The following SLFN12L variants were observed in gnomAD, a reference collection of about 807,000 sequenced individuals.
The protein encoded by SLFN12L is schlafen family member 12 like.
In SLFN12L, 34 loss-of-function variants were observed where a neutral mutation model predicts 34.8. That is an observed-to-expected ratio of 0.98 (90% CI 0.74 to 1.30). SLFN12L has a LOEUF of 1.30. Among genes scored for constraint, SLFN12L ranks in the 50% most tolerant of loss-of-function variants. The pLI, the probability that SLFN12L is intolerant of heterozygous loss-of-function variation, is 0.00. For missense variants in SLFN12L, 703 were observed against 696.2 expected (o/e 1.01, Z -0.11); for synonymous variants, 259 against 247.5 (o/e 1.05, Z -0.44).
At chr17:35,511,805 A>C (rs1295752058) in intron 2 of SLFN12L, among the ~76,000 whole-genome samples, 1 of 152,214 alleles carries the variant, frequency 6.6e-6, no homozygotes, top group African/African-American at 2.4e-5. Context: ...TTCCAGGGCC[A>C]GCTAAGTCTA....
At chr17:35,485,687 A>G (rs1379236299) in intron 2 of SLFN12L, among the ~76,000 whole-genome samples, 4 of 152,178 alleles carry the variant, frequency 2.6e-5, no homozygotes, top group Non-Finnish European at 5.9e-5. Flanking sequence ...TAATTTTTGT[A>G]TATGGTGAGA....
intron 2 of SLFN12L, among the ~76,000 whole-genome samples, chr17:35,492,217 T>G (rs1296243897): frequency 6.6e-6 from 1 of 152,210 alleles, no homozygotes; most frequent in Non-Finnish European, 1.5e-5. Flanking sequence ...TATCAGCTTC[T>G]GCAAGGAGCT....
Position 35,467,550 on chromosome 17 carries a change from T to C in SLFN12L, c.*7373A>G, listed in dbSNP as rs979916267. 6.6e-6 allele frequency among the ~76,000 whole-genome samples: 1 copy of C among 152,198 alleles called. No individual in the cohort carries two copies. The highest frequency in any genetic ancestry group is 6.5e-5 in the Admixed American group (1 of 15,284). ...TTTCATGACCCTAATAGGTCCCAAA[T>C]AGCCAGTTTAACAGAGAGACATAAG... On this transcript the variant is annotated 3_prime_UTR_variant, in exon 5 of 5. Transcript: ENST00000628453.
At chr17:35,480,923 A>T (rs1914308455) in intron 2 of SLFN12L, among the ~76,000 whole-genome samples, 2 of 152,096 alleles carry the variant, frequency 1.3e-5, no homozygotes, top group South Asian at 4.1e-4. Context: ...TACTAAAAAT[A>T]GATTATAGAT....
At chr17:35,530,441 G>GGA (rs1555545953) in intron 1 of SLFN12L, among the ~76,000 whole-genome samples, 1 of 16,838 alleles carries the variant, frequency 5.9e-5, no homozygotes, top group Non-Finnish European at 2.2e-4. Flanking sequence ...GAAGGGAAGG[G>GGA]AAGAAAGAAA....
intron 2 of SLFN12L, among the ~76,000 whole-genome samples, chr17:35,521,390 T>TTCTGTACTA (rs1915992761): frequency 6.6e-6 from 1 of 152,230 alleles, no homozygotes. Flanking sequence ...CACAGGAACT[T>TTCTGTACTA]TCTGTACTAT....
At chr17:35,489,384 T>G (rs1298019330) in intron 2 of SLFN12L, among the ~76,000 whole-genome samples, 3 of 151,692 alleles carry the variant, frequency 2.0e-5, no homozygotes, top group Admixed American at 6.6e-5. Flanking sequence ...AGACGTCATC[T>G]CTACAAATAA....
chr17:35,522,803 TG>T lies in SLFN12L; in HGVS notation c.-440del. ...TCAGCAGAGCATCACAGATGACTCC[TG>T]GCTTCTCCTGCAAATTCAGGTCCAC... On this transcript the variant is annotated 5_prime_UTR_variant, in exon 2 of 5. Coordinates refer to ENST00000628453, the MANE Select transcript of SLFN12L (RefSeq NM_001363830.2). 1.3e-6 allele frequency: 2 copies of T among 1,492,356 alleles called. No individual in the cohort carries two copies. Among genetic ancestry groups the T allele is most frequent in the Non-Finnish European group, 1.9e-6 (2 of 1,078,322 alleles). 92.4% of individuals were successfully genotyped at this position (1,492,356 alleles called of 1,614,324 possible). A position where few individuals can be genotyped will look rare whatever the true frequency, so the allele number is the denominator to read the frequency against.
chr17:35,485,021 A>G (rs898258822), intron 2 of SLFN12L, among the ~76,000 whole-genome samples: 1 of 152,166 alleles, frequency 6.6e-6, no homozygotes, highest in Admixed American at 6.5e-5. Flanking sequence ...GTTGGCATAC[A>G]ATTTTTTACA....
At chr17:35,530,426 G>GA (rs1276026526) in intron 1 of SLFN12L, among the ~76,000 whole-genome samples, 1 of 10,656 alleles carries the variant, frequency 9.4e-5, no homozygotes, top group Non-Finnish European at 1.8e-4. Context: ...AGGAAGGAAG[G>GA]AAGGGAAGGG....
At chr17:35,475,925 T>TA (rs1567641913) in intron 4 of SLFN12L, among the ~76,000 whole-genome samples, 17 of 134,340 alleles carry the variant, frequency 1.3e-4, no homozygotes, top group Admixed American at 2.9e-4. Context: ...ATATATATAT[T>TA]TTTTTAAATT....
intron 2 of SLFN12L, among the ~76,000 whole-genome samples, chr17:35,503,848 C>T (rs1467686165): frequency 2.0e-5 from 3 of 150,538 alleles, no homozygotes; most frequent in Non-Finnish European, 4.4e-5. Flanking sequence ...GAGAAGGACC[C>T]TACCTTGTGC....
chr17:35,514,128 A>C (rs997488919), intron 2 of SLFN12L, among the ~76,000 whole-genome samples: 2 of 152,252 alleles, frequency 1.3e-5, no homozygotes, highest in African/African-American at 4.8e-5. Flanking sequence ...TGGGGTATAC[A>C]TAAATCTAAT....
intron 2 of SLFN12L, among the ~76,000 whole-genome samples, chr17:35,493,746 G>C (rs1008863372): frequency 1.3e-5 from 2 of 152,172 alleles, no homozygotes; most frequent in African/African-American, 2.4e-5. Flanking sequence ...GTTGTGCATA[G>C]CAATCATTTT....
chr17:35,530,423 AAGGAAGGGAAGGGAAGGGAAG>A (rs2072386542), intron 1 of SLFN12L, among the ~76,000 whole-genome samples: 2 of 16,750 alleles, frequency 1.2e-4, no homozygotes, highest in African/African-American at 3.7e-4. Flanking sequence ...GGAAGGAAGG[AAGGAAGGGAAGGGAAGGGAAG>A]AAAGAAAGAA....
At chr17:35,500,716 G>C (rs1199875288) in intron 2 of SLFN12L, among the ~76,000 whole-genome samples, 3 of 143,972 alleles carry the variant, frequency 2.1e-5, no homozygotes, top group Non-Finnish European at 3.0e-5. Context: ...GTGACAGAGC[G>C]AGACTCTGTC....
chr17:35,530,432 AAGGGAAGGGAAGAAAG>A (rs1567693970), intron 1 of SLFN12L, among the ~76,000 whole-genome samples: 5 of 9,412 alleles, frequency 5.3e-4, no homozygotes, highest in African/African-American at 1.1e-3. Context: ...GAAGGAAGGG[AAGGGAAGGGAAGAAAG>A]AAAGAAAGAA....
chr17:35,537,286 C>T (rs1360411023), intron 1 of SLFN12L, among the ~76,000 whole-genome samples: 4 of 152,310 alleles, frequency 2.6e-5, no homozygotes, highest in Non-Finnish European at 5.9e-5. Context: ...ACATCTCTTT[C>T]TCTCAGCCCA....
At chr17:35,487,739 T>C (rs4796089) in intron 2 of SLFN12L, 138,461 of 1,534,948 alleles carry the variant, frequency 0.09, 6,975 homozygotes, top group East Asian at 0.22. Flanking sequence ...GCGAGGTCCA[T>C]GTCTGCGCAC....
Sources: allele counts gnomAD v4.1 joint callset (sites outside exome capture counted in the v4.1 genomes callset), GRCh38; gene constraint gnomAD v4.1.1; transcripts MANE v1.5; gene names NCBI Gene and HGNC (gene_info 2026-07-23, HGNC 2026-07-21).